ZFAND3: variants seen among roughly 807,000 people sequenced by gnomAD.
ZFAND3 encodes the protein zinc finger AN1-type containing 3.
In ZFAND3, 10 loss-of-function variants were observed where a neutral mutation model predicts 29.6. That is an observed-to-expected ratio of 0.34 (90% CI 0.21 to 0.57). The LOEUF is 0.57. Ranked by LOEUF, ZFAND3 falls within the 20% of genes least tolerant of loss-of-function variation. The probability of loss-of-function intolerance (pLI) is 0.86; values close to 1 mark genes in which losing one functional copy is unlikely to be tolerated. For missense variants in ZFAND3, 230 were observed against 304.5 expected (o/e 0.76, Z 1.82); for synonymous variants, 128 against 112.6 (o/e 1.14, Z -0.87).
chr6:37,945,034 A>C (rs1257760770), intron 2 of ZFAND3, among the ~76,000 whole-genome samples: 1 of 152,192 alleles, frequency 6.6e-6, no homozygotes, highest in Admixed American at 6.5e-5. Context: ...TTACACCAGT[A>C]TGGGTGCTCC....
chr6:38,023,912 G>A (rs1312123014), intron 2 of ZFAND3, among the ~76,000 whole-genome samples: 2 of 152,086 alleles, frequency 1.3e-5, no homozygotes, highest in East Asian at 1.9e-4. Context: ...CCAGCTACTC[G>A]GGAGGCTGAG....
chr6:37,908,831 A>G (rs1263432271), intron 1 of ZFAND3, among the ~76,000 whole-genome samples: 1 of 151,906 alleles, frequency 6.6e-6, no homozygotes, highest in Non-Finnish European at 1.5e-5. Flanking sequence ...CTTTGTATTA[A>G]GTAATTTGTA....
chr6:37,903,279 A>G (rs751632973), intron 1 of ZFAND3, among the ~76,000 whole-genome samples: 3 of 152,228 alleles, frequency 2.0e-5, no homozygotes, highest in African/African-American at 4.8e-5. Flanking sequence ...AGTCACCAAC[A>G]AAATATATAG....
At chr6:37,878,212 A>T (rs181207257) in intron 1 of ZFAND3, among the ~76,000 whole-genome samples, 1 of 152,334 alleles carries the variant, frequency 6.6e-6, no homozygotes, top group African/African-American at 2.4e-5. Flanking sequence ...TCATTAGCTC[A>T]GCTTGAGTCA....
At chr6:37,922,778 TAAA>T (rs1001699299) in intron 1 of ZFAND3, among the ~76,000 whole-genome samples, 4 of 152,110 alleles carry the variant, frequency 2.6e-5, no homozygotes, top group African/African-American at 9.7e-5. Context: ...GCATGAAAGA[TAAA>T]AAAGTGTACA....
In ZFAND3 at chr6:38,082,452, G is replaced by T. The variant is rs754843736; in HGVS notation, c.356G>T (p.Gly119Val). Residue 119 changes from glycine to valine, a missense_variant, in exon 4 of 6, where the codon GGT becomes GTT. Gly to Val is a moderately radical substitution (Grantham distance 109). Coordinates refer to ENST00000287218, the MANE Select transcript of ZFAND3 (RefSeq NM_021943.3). ...SLITPTKRSC[G>V]TDSQSENEAS... ...ATCACACCAACAAAAAGATCCTGTG[G>T]TACAGGTATGTACGTCATTCTTATG... is the stretch of plus-strand genomic sequence containing the variant. 6.2e-7 allele frequency: 1 copy of T among 1,611,048 alleles called. No individual in the cohort carries two copies. The highest frequency in any genetic ancestry group is 8.5e-7 in the Non-Finnish European group (1 of 1,178,320).
intron 2 of ZFAND3, among the ~76,000 whole-genome samples, chr6:38,011,276 A>G (rs1581837270): frequency 6.6e-6 from 1 of 152,280 alleles, no homozygotes; most frequent in African/African-American, 2.4e-5. Flanking sequence ...AGGTCTTTGT[A>G]TGAATGTATG....
chr6:37,856,001 G>A (rs1379531645), intron 1 of ZFAND3, among the ~76,000 whole-genome samples: 2 of 151,668 alleles, frequency 1.3e-5, no homozygotes, highest in Non-Finnish European at 2.9e-5. Flanking sequence ...AACCTTGGTG[G>A]TAGTTCTGGT....
In ZFAND3 at chr6:38,027,094, G is replaced by T. The variant is rs769179779; in HGVS notation, c.113-34499G>T. Among the ~76,000 whole-genome samples, 5 of 152,318 alleles carry T rather than the reference G, an allele frequency of 3.3e-5. No individual in the cohort carries two copies. In the East Asian group the frequency reaches 9.7e-4, roughly 29 times the overall value. On this transcript the variant is annotated intron_variant, in intron 2 of 5. Transcript: ENST00000287218. ...AGCCTACAGGGCTCTAAGGACACAGGTTCTAGTGATGGATAGTGAACAGTT... is the reference window on the plus strand; with the variant it reads ...AGCCTACAGGGCTCTAAGGACACAGTTTCTAGTGATGGATAGTGAACAGTT...
At chr6:38,000,476 T>C (rs377278713) in intron 2 of ZFAND3, among the ~76,000 whole-genome samples, 3 of 152,276 alleles carry the variant, frequency 2.0e-5, no homozygotes, top group African/African-American at 7.2e-5. Flanking sequence ...CTCACAATCA[T>C]GGCAGAAGAC....
intron 1 of ZFAND3, among the ~76,000 whole-genome samples, chr6:37,854,794 G>A (rs1347739027): frequency 1.5e-5 from 2 of 137,236 alleles, no homozygotes; most frequent in African/African-American, 2.8e-5. Flanking sequence ...TTAAGAAGTA[G>A]GCTGACCTGA....
intron 5 of ZFAND3, among the ~76,000 whole-genome samples, chr6:38,130,996 G>A (rs1012520620): frequency 2.0e-5 from 3 of 152,070 alleles, no homozygotes; most frequent in Non-Finnish European, 2.9e-5. Flanking sequence ...CTTGTTATTG[G>A]TCTGTTCAGG....
chr6:38,142,189 C>T, intron 5 of ZFAND3: 1 of 471,236 alleles, frequency 2.1e-6, no homozygotes, highest in Non-Finnish European at 4.4e-6. Flanking sequence ...CTTCATACTC[C>T]CTGTGATCCC....
chr6:37,956,694 T>G (rs1561946335), intron 2 of ZFAND3, among the ~76,000 whole-genome samples: 1 of 152,204 alleles, frequency 6.6e-6, no homozygotes, highest in African/African-American at 2.4e-5. Flanking sequence ...TGTGGATCCC[T>G]TCAGAAAAAT....
chr6:37,833,772 G>C (rs1228398340), intron 1 of ZFAND3, among the ~76,000 whole-genome samples: 6 of 143,200 alleles, frequency 4.2e-5, no homozygotes, highest in African/African-American at 1.6e-4. Context: ...GCTGCAGTGA[G>C]CCAAGATTGC....
intron 2 of ZFAND3, among the ~76,000 whole-genome samples, chr6:37,960,819 C>T (rs1438402468): frequency 2.6e-5 from 4 of 152,092 alleles, no homozygotes; most frequent in Non-Finnish European, 5.9e-5. Context: ...GTGGCTCACA[C>T]CTGTAACCCC....
intron 1 of ZFAND3, among the ~76,000 whole-genome samples, chr6:37,918,764 ATGT>A (rs1172015491): frequency 6.6e-6 from 1 of 152,046 alleles, no homozygotes; most frequent in African/African-American, 2.4e-5. Flanking sequence ...AGCTCCATAA[ATGT>A]TGTTGTTCTC....
intron 3 of ZFAND3, among the ~76,000 whole-genome samples, chr6:38,076,372 C>T (rs533811987): frequency 1.4e-4 from 22 of 152,124 alleles, no homozygotes; most frequent in South Asian, 6.2e-4. Flanking sequence ...TGCTTTATTA[C>T]AGTGGTCTGG....
chr6:37,950,658 G>A (rs1444389907), intron 2 of ZFAND3, among the ~76,000 whole-genome samples: 1 of 151,816 alleles, frequency 6.6e-6, no homozygotes, highest in African/African-American at 2.4e-5. Context: ...GGATTACAAG[G>A]GTGAGCCACC....
Sources: allele counts gnomAD v4.1 joint callset (sites outside exome capture counted in the v4.1 genomes callset), GRCh38; gene constraint gnomAD v4.1.1; transcripts MANE v1.5; gene names NCBI Gene and HGNC (gene_info 2026-07-23, HGNC 2026-07-21).